Variants in C1orf21 observed in about 807,000 individuals in gnomAD.
The protein encoded by C1orf21 is chromosome 1 open reading frame 21, also known as uncharacterized protein C1orf21.
A neutral mutation model predicts 18.7 loss-of-function variants in C1orf21; 3 were observed. The observed-to-expected ratio is 0.16, with a 90% CI of 0.07 to 0.42. C1orf21 has a LOEUF of 0.42. Among genes scored for constraint, C1orf21 ranks in the 10% least tolerant of loss-of-function variants. The pLI, the probability that C1orf21 is intolerant of heterozygous loss-of-function variation, is 0.99. For missense variants in C1orf21, 104 were observed against 143.6 expected, an observed-to-expected ratio of 0.72 and a Z score of 1.41; for synonymous variants, 41 against 46.4, an observed-to-expected ratio of 0.88 and a Z score of 0.47.
At chr1:184,609,101 A>G (rs1264336099) in intron 5 of C1orf21, among the ~76,000 whole-genome samples, 2 of 152,182 alleles carry the variant, frequency 1.3e-5, no homozygotes, top group African/African-American at 2.4e-5. Flanking sequence ...GAGAGGAAAG[A>G]AAGGAACCAA....
chr1:184,549,941 G>T (rs1658789383), intron 3 of C1orf21, among the ~76,000 whole-genome samples: 1 of 152,142 alleles, frequency 6.6e-6, no homozygotes, highest in Non-Finnish European at 1.5e-5. Flanking sequence ...ACAGTGGTGT[G>T]GAATCATTCT....
chr1:184,602,009 A>G, intron 5 of C1orf21, among the ~76,000 whole-genome samples: 1 of 152,230 alleles, frequency 6.6e-6, no homozygotes, highest in Non-Finnish European at 1.5e-5. Context: ...ATAGAGTACA[A>G]TATAAATAAA....
At chr1:184,498,968 A>G (rs1443545235) in intron 2 of C1orf21, among the ~76,000 whole-genome samples, 3 of 152,228 alleles carry the variant, frequency 2.0e-5, no homozygotes, top group African/African-American at 4.8e-5. Context: ...TTTATGATGG[A>G]GACATTAATG....
chr1:184,585,426 T>A (rs990043662), intron 3 of C1orf21, among the ~76,000 whole-genome samples: 1 of 152,226 alleles, frequency 6.6e-6, no homozygotes, highest in East Asian at 1.9e-4. Flanking sequence ...GCAGTAAAAA[T>A]TATTTAATTT....
chr1:184,509,053 TTAATAA>T (rs937335919), intron 3 of C1orf21, among the ~76,000 whole-genome samples: 1 of 152,218 alleles, frequency 6.6e-6, no homozygotes, highest in African/African-American at 2.4e-5. Context: ...AATCTCATCC[TTAATAA>T]TAATATTTAC....
At chr1:184,570,314 A>T (rs182717086) in intron 3 of C1orf21, among the ~76,000 whole-genome samples, 1 of 152,280 alleles carries the variant, frequency 6.6e-6, no homozygotes, top group African/African-American at 2.4e-5. Context: ...ATAAGTTTAA[A>T]TTATGTTAAA....
chr1:184,543,877 A>AT (rs1031016852), intron 3 of C1orf21, among the ~76,000 whole-genome samples: 9 of 151,874 alleles, frequency 5.9e-5, no homozygotes, highest in African/African-American at 2.2e-4. Context: ...ATAAAAGATC[A>AT]TTTTTTTTCA....
At chr1:184,526,942 C>T (rs968748688) in intron 3 of C1orf21, among the ~76,000 whole-genome samples, 1 of 151,886 alleles carries the variant, frequency 6.6e-6, no homozygotes, top group Non-Finnish European at 1.5e-5. Flanking sequence ...AAGGAGGAGG[C>T]AAGCCAGTAA....
intron 3 of C1orf21, among the ~76,000 whole-genome samples, chr1:184,572,897 G>A (rs1484143540): frequency 6.6e-6 from 1 of 150,786 alleles, no homozygotes; most frequent in Non-Finnish European, 1.5e-5. Flanking sequence ...GTTGCAGTGA[G>A]CCAAGATCAC....
At position 184,564,302 on chromosome 1, in the gene C1orf21, C is replaced by A. The variant is rs141395086; in HGVS notation, c.190-26437C>A. On this transcript the variant is annotated intron_variant, in intron 3 of 5. Transcript: ENST00000235307. Reference sequence around the variant, plus strand: ...CTTACAGAATAATAATAATAATTCTCCTTATTTACTTATTTATTTATTTTG... The same window carrying A: ...CTTACAGAATAATAATAATAATTCTACTTATTTACTTATTTATTTATTTTG... Among the ~76,000 whole-genome samples, 3 of 152,082 alleles carry A rather than the reference C, an allele frequency of 2.0e-5. No homozygotes were observed. In the East Asian group the frequency reaches 5.8e-4, roughly 29 times the overall value.
At chr1:184,515,276 G>A (rs193081961) in intron 3 of C1orf21, among the ~76,000 whole-genome samples, 14 of 152,220 alleles carry the variant, frequency 9.2e-5, no homozygotes, top group African/African-American at 3.1e-4. Context: ...GAAAATATGA[G>A]TATATTATCT....
intron 3 of C1orf21, among the ~76,000 whole-genome samples, chr1:184,585,589 C>G (rs867732755): frequency 2.0e-5 from 3 of 152,254 alleles, no homozygotes; most frequent in Middle Eastern, 3.4e-3. Flanking sequence ...TAATACCCAT[C>G]AGTTATTTTT....
intron 2 of C1orf21, among the ~76,000 whole-genome samples, chr1:184,500,557 T>C (rs1657960058): frequency 6.6e-6 from 1 of 152,154 alleles, no homozygotes; most frequent in Non-Finnish European, 1.5e-5. Context: ...TATATCATCC[T>C]GTGCATATGC....
intron 3 of C1orf21, among the ~76,000 whole-genome samples, chr1:184,583,621 C>T (rs888326799): frequency 3.3e-5 from 5 of 152,168 alleles, no homozygotes; most frequent in Admixed American, 1.3e-4. Context: ...CTGAAATAGA[C>T]GTGCTCAAAC....
chr1:184,588,127 T>G (rs1162378756), intron 3 of C1orf21, among the ~76,000 whole-genome samples: 1 of 152,212 alleles, frequency 6.6e-6, no homozygotes, highest in Non-Finnish European at 1.5e-5. Flanking sequence ...TTCTCTATTT[T>G]AAAAATATAT....
chr1:184,426,228 A>G (rs1656634976), intron 1 of C1orf21, among the ~76,000 whole-genome samples: 1 of 152,256 alleles, frequency 6.6e-6, no homozygotes, highest in Non-Finnish European at 1.5e-5. Context: ...TCGTCTGTCC[A>G]GGATTACTGA....
intron 4 of C1orf21, among the ~76,000 whole-genome samples, chr1:184,593,045 A>G (rs984545628): frequency 2.0e-5 from 3 of 152,230 alleles, no homozygotes; most frequent in Non-Finnish European, 2.9e-5. Context: ...CAGATATCTG[A>G]TAACACAGCC....
At chr1:184,548,559 C>A (rs1477680272) in intron 3 of C1orf21, among the ~76,000 whole-genome samples, 1 of 152,056 alleles carries the variant, frequency 6.6e-6, no homozygotes, top group African/African-American at 2.4e-5. Context: ...TCTACCTGGA[C>A]TCTACACTAA....
chr1:184,590,937 A>G, intron 4 of C1orf21, 122 bp downstream of exon 4: 2 of 981,800 alleles, frequency 2.0e-6, no homozygotes, highest in Non-Finnish European at 3.0e-6. Flanking sequence ...ACAAAGTTCC[A>G]AAAAACAAAA....
Sources: allele counts gnomAD v4.1 joint callset (sites outside exome capture counted in the v4.1 genomes callset), GRCh38; gene constraint gnomAD v4.1.1; transcripts MANE v1.5; gene names NCBI Gene and HGNC (gene_info 2026-07-23, HGNC 2026-07-21).